Variants in GRIK2 observed in about 807,000 individuals in gnomAD.
GRIK2 encodes glutamate receptor ionotropic, kainate 2.
Under a neutral mutation model 100.3 loss-of-function variants are expected in GRIK2, and 32 were observed. The observed-to-expected ratio is 0.32, with a 90% CI of 0.24 to 0.43. The LOEUF (loss-of-function observed/expected upper bound fraction) is 0.43, where lower values mean the gene tolerates loss of function less well. Ranked by LOEUF, GRIK2 falls within the 20% of genes least tolerant of loss-of-function variation. GRIK2 has a pLI of 1.00. For synonymous variants in GRIK2, 417 were observed against 389.4 expected (o/e 1.07, Z -0.83); for missense variants, 843 against 1,114.9 (o/e 0.76, Z 3.47).
At chr6:101,536,858 T>C (rs777228698) in intron 2 of GRIK2, among the ~76,000 whole-genome samples, 3 of 151,774 alleles carry the variant, frequency 2.0e-5, no homozygotes, top group African/African-American at 7.2e-5. Flanking sequence ...CTAGTTTTAA[T>C]CAATGTCCCA....
chr6:101,604,283 A>T (rs1779352207), intron 2 of GRIK2, among the ~76,000 whole-genome samples: 1 of 151,724 alleles, frequency 6.6e-6, no homozygotes, highest in Non-Finnish European at 1.5e-5. Flanking sequence ...GAAATATAAC[A>T]TATAATATAT....
chr6:101,893,531 T>A (rs931205037), intron 12 of GRIK2, among the ~76,000 whole-genome samples: 5 of 151,754 alleles, frequency 3.3e-5, no homozygotes, highest in African/African-American at 1.2e-4. Context: ...TTTGTTTTGG[T>A]CATTATCTGA....
intron 12 of GRIK2, among the ~76,000 whole-genome samples, chr6:101,921,288 A>T (rs899136727): frequency 2.6e-5 from 4 of 152,078 alleles, no homozygotes; most frequent in African/African-American, 9.7e-5. Context: ...AAAAATTAGT[A>T]AAAATTGTGA....
chr6:101,433,561 G>A (rs1769541376), intron 2 of GRIK2, among the ~76,000 whole-genome samples: 1 of 152,002 alleles, frequency 6.6e-6, no homozygotes, highest in African/African-American at 2.4e-5. Context: ...TTCCTTTTAT[G>A]TTGTCTGATC....
intron 14 of GRIK2, among the ~76,000 whole-genome samples, chr6:101,939,666 T>C (rs999330672): frequency 3.9e-5 from 6 of 152,164 alleles, no homozygotes; most frequent in African/African-American, 1.2e-4. Flanking sequence ...CGGATTTTAT[T>C]ATTTTAGTGC....
chr6:101,750,599 T>A (rs1776725536), intron 7 of GRIK2, among the ~76,000 whole-genome samples: 1 of 152,198 alleles, frequency 6.6e-6, no homozygotes. Context: ...CAAGCTATAG[T>A]AACAAGACTT....
intron 14 of GRIK2, among the ~76,000 whole-genome samples, chr6:101,956,503 A>G (rs1239230776): frequency 6.6e-6 from 1 of 151,984 alleles, no homozygotes; most frequent in Non-Finnish European, 1.5e-5. Flanking sequence ...CATTGTACAC[A>G]ATAGGTAATT....
intron 2 of GRIK2, among the ~76,000 whole-genome samples, chr6:101,483,523 T>A (rs1335422544): frequency 1.3e-5 from 2 of 152,142 alleles, no homozygotes; most frequent in African/African-American, 2.4e-5. Context: ...AACTGAAAAA[T>A]TTTTTTAACT....
At chr6:101,732,397 C>G (rs979586127) in intron 7 of GRIK2, among the ~76,000 whole-genome samples, 7 of 149,150 alleles carry the variant, frequency 4.7e-5, no homozygotes, top group African/African-American at 1.5e-4. Context: ...TAAGTGATAA[C>G]AATCATATTT....
At chr6:101,711,229 A>G (rs1217456894) in intron 7 of GRIK2, among the ~76,000 whole-genome samples, 1 of 151,908 alleles carries the variant, frequency 6.6e-6, no homozygotes, top group Admixed American at 6.6e-5. Flanking sequence ...AATTAGAAAT[A>G]CTTAAAAACA....
At chr6:102,016,052 G>GA (rs1169595584) in intron 14 of GRIK2, among the ~76,000 whole-genome samples, 1 of 152,026 alleles carries the variant, frequency 6.6e-6, no homozygotes, top group Non-Finnish European at 1.5e-5. Context: ...ACAAAGATGA[G>GA]AAAAAAACAG....
intron 4 of GRIK2, among the ~76,000 whole-genome samples, chr6:101,627,089 A>G (rs1780491306): frequency 6.8e-6 from 1 of 147,622 alleles, no homozygotes; most frequent in African/African-American, 2.5e-5. Flanking sequence ...ATATTGAATA[A>G]TGTGTGTGTG....
intron 7 of GRIK2, among the ~76,000 whole-genome samples, chr6:101,722,895 C>T (rs540776832): frequency 1.1e-4 from 16 of 152,144 alleles, no homozygotes; most frequent in Admixed American, 9.8e-4. Flanking sequence ...ATGGAATAAT[C>T]TGGGAGAGGA....
intron 15 of GRIK2, among the ~76,000 whole-genome samples, chr6:102,047,062 CA>C (rs1305466643): frequency 6.6e-6 from 1 of 152,008 alleles, no homozygotes; most frequent in Non-Finnish European, 1.5e-5. Context: ...GCAGCAAAAG[CA>C]GTTCTATAAG....
chr6:101,399,435 A>G, intron 2 of GRIK2, 43 bp downstream of exon 2: 1 of 969,178 alleles, frequency 1.0e-6, no homozygotes, highest in Admixed American at 1.7e-5. Context: ...ATCCGCTCCC[A>G]GGCAGCCGGA....
At chr6:101,466,616 C>T (rs1771660763) in intron 2 of GRIK2, among the ~76,000 whole-genome samples, 1 of 150,262 alleles carries the variant, frequency 6.7e-6, no homozygotes, top group Non-Finnish European at 1.5e-5. Flanking sequence ...AAAGCTTTTT[C>T]TGTGTTCACA....
intron 11 of GRIK2, among the ~76,000 whole-genome samples, chr6:101,870,982 T>C (rs1312454228): frequency 2.6e-5 from 4 of 151,860 alleles, no homozygotes; most frequent in Admixed American, 1.3e-4. Context: ...AAAATAAACA[T>C]ACACAAAAAT....
At chr6:101,560,792 G>T (rs1776974419) in intron 2 of GRIK2, among the ~76,000 whole-genome samples, 1 of 151,912 alleles carries the variant, frequency 6.6e-6, no homozygotes, top group African/African-American at 2.4e-5. Flanking sequence ...CTCACTATTT[G>T]TCAACTTCAT....
intron 7 of GRIK2, 134 bp from the exon 8 acceptor site, chr6:101,799,514 A>T: frequency 1.5e-6 from 1 of 660,788 alleles, no homozygotes; most frequent in Non-Finnish European, 2.7e-6. Context: ...GTTAGAGATA[A>T]CGTTTTCTTC....
Sources: allele counts gnomAD v4.1 joint callset (sites outside exome capture counted in the v4.1 genomes callset), GRCh38; gene constraint gnomAD v4.1.1; transcripts MANE v1.5; gene names NCBI Gene and HGNC (gene_info 2026-07-23, HGNC 2026-07-21).